The following NBPF20 variants were observed in gnomAD, a reference collection of about 807,000 sequenced individuals.
The protein encoded by NBPF20 is NBPF member 20.
A neutral mutation model predicts 68.1 loss-of-function variants in NBPF20; 90 were observed. The observed-to-expected ratio is 1.32, with a 90% CI of 1.11 to 1.58. The LOEUF is 1.58. Among genes scored for constraint, NBPF20 ranks in the 40% most tolerant of loss-of-function variants. The pLI, the probability that NBPF20 is intolerant of heterozygous loss-of-function variation, is 0.00. For synonymous variants in NBPF20, 290 were observed against 228.1 expected (o/e 1.27, Z -2.45); for missense variants, 816 against 601.2 (o/e 1.36, Z -3.74).
Position 145,395,232 on chromosome 1 carries a change from A to G in NBPF20, c.828-91T>C, listed in dbSNP as rs1662166493. Reference sequence around the variant, plus strand: ...CCCAGATGATCTGATGGGAGACAGAATGGAGTGGTCACAGAAACCAAAGGC... The same window carrying G: ...CCCAGATGATCTGATGGGAGACAGAGTGGAGTGGTCACAGAAACCAAAGGC... On this transcript the variant is annotated intron_variant, in intron 7 of 137. Transcript: ENST00000369373. 3.5e-6 allele frequency: 3 copies of G among 849,990 alleles called. No individual in the cohort carries two copies. The Admixed American group carries it at 6.8e-5, about 19-fold the overall frequency. The allele number at this position is 849,990 out of a possible 1,614,324, so 52.7% of individuals were successfully genotyped here. A position where few individuals can be genotyped will look rare whatever the true frequency, so the allele number is the denominator to read the frequency against.
Position 145,405,093 on chromosome 1 carries a change from C to A in NBPF20, c.175+5G>T. 6.2e-7 allele frequency: 1 copy of A among 1,613,424 alleles called. No homozygotes were observed. The highest frequency in any genetic ancestry group is 2.2e-5 in the East Asian group (1 of 44,896). ...CTTTCATGATGGTGAGCCTATAGAT[C>A]TTACTGTATTTCTTCTGCTGGTTGG... is the stretch of plus-strand genomic sequence containing the variant. On this transcript the variant is annotated splice_donor_5th_base_variant and intron_variant, in intron 2 of 137. Coordinates refer to ENST00000369373, the Ensembl canonical transcript of NBPF20.
At chr1:145,393,355 A>T in intron 9 of NBPF20, 109 bp from the exon 15 acceptor site, 1 of 706,764 alleles carries the variant, frequency 1.4e-6, no homozygotes, top group African/African-American at 1.8e-5. Flanking sequence ...GAAAAAGGAC[A>T]GATCCATTAA....
At chr1:145,393,573 T>A (rs1218311273) in intron 9 of NBPF20, 192 of 644,940 alleles carry the variant, frequency 3.0e-4, no homozygotes, top group Admixed American at 1.3e-3. Flanking sequence ...CAGGACACAC[T>A]GTGAACAGTG....
rs1662499081 is a variant in NBPF20 at position 145,401,052 on chromosome 1, G to A, written c.566+7C>T. 2 of 1,603,758 alleles carry A rather than the reference G, an allele frequency of 1.2e-6. No homozygotes were observed. Among genetic ancestry groups the A allele is most frequent in the African/African-American group, 1.3e-5 (1 of 74,842 alleles). On this transcript the variant is annotated splice_region_variant and intron_variant, in intron 5 of 137. Coordinates refer to ENST00000369373, the Ensembl canonical transcript of NBPF20. ...TCCATTAATTGTTCCTGAGTATTCAGTGTTACCTGGGGGCAGACGATTTCT... is the reference window on the plus strand; with the variant it reads ...TCCATTAATTGTTCCTGAGTATTCAATGTTACCTGGGGGCAGACGATTTCT...
intron 7 of NBPF20, among the ~76,000 whole-genome samples, chr1:145,396,893 T>C (rs1355323042): frequency 7.9e-6 from 1 of 126,562 alleles, no homozygotes; most frequent in Non-Finnish European, 1.6e-5. Flanking sequence ...ACATTAGGTA[T>C]ATCTCCTAAT....
chr1:145,378,150 A>G (rs1661865214), intron 28 of NBPF20, 56 bp from the exon 34 acceptor site: 1 of 93,876 alleles, frequency 1.1e-5, no homozygotes, highest in Admixed American at 2.3e-4. Flanking sequence ...TACACACATA[A>G]CAATCCACTG....
chr1:145,406,683 TATC>T (rs1336973932), upstream of NBPF20, among the ~76,000 whole-genome samples: 1 of 148,432 alleles, frequency 6.7e-6, no homozygotes, highest in Admixed American at 6.6e-5. Context: ...TTCATTTAGA[TATC>T]TTCTTATGGA....
intron 7 of NBPF20, among the ~76,000 whole-genome samples, chr1:145,397,185 T>C (rs1662291493): frequency 6.7e-6 from 1 of 148,944 alleles, no homozygotes; most frequent in African/African-American, 2.5e-5. Flanking sequence ...ATATTTGGCT[T>C]GGTTCCAAGT....
At position 145,292,512 on chromosome 1, in the gene NBPF20, C is replaced by A. The variant is rs587740600; in HGVS notation, c.16589-23G>T. The A allele has an allele frequency of 2.9e-5, 20 of 698,988 alleles. 2 individuals are homozygous for A. In the African/African-American group the frequency reaches 3.7e-4, roughly 13 times the overall value. 43.3% of individuals were successfully genotyped at this position (698,988 alleles called of 1,614,324 possible). On this transcript the variant is annotated intron_variant, in intron 136 of 137. Transcript: ENST00000369373. ...TTTCTGCAATAAATTCAGACATGGA[C>A]AGACACATTAAGCTGATTCCCCTAC...
intron 6 of NBPF20, among the ~76,000 whole-genome samples, chr1:145,400,135 T>C (rs1375610577): frequency 8.5e-5 from 13 of 152,186 alleles, no homozygotes; most frequent in African/African-American, 2.9e-4. Context: ...GCCTGACAGA[T>C]ACTGCCTGTG....
upstream of NBPF20, among the ~76,000 whole-genome samples, chr1:145,407,428 CGTATACATGTATACATGTA>C (rs1662842915): frequency 6.9e-6 from 1 of 144,520 alleles, no homozygotes; most frequent in East Asian, 2.0e-4. Flanking sequence ...CATGTATACA[CGTATACATGTATACATGTA>C]TATACGTGTA....
upstream of NBPF20, among the ~76,000 whole-genome samples, chr1:145,408,641 A>G (rs1291951141): frequency 2.0e-5 from 3 of 151,684 alleles, no homozygotes; most frequent in Non-Finnish European, 4.4e-5. Flanking sequence ...CTAGCTTTCA[A>G]ATTTCTCTAA....
intron 7 of NBPF20, among the ~76,000 whole-genome samples, chr1:145,398,503 G>T (rs1401879369): frequency 1.3e-5 from 2 of 152,102 alleles, no homozygotes; most frequent in African/African-American, 4.8e-5. Flanking sequence ...AATGAAGGCA[G>T]AAATAAAGAT....
chr1:145,292,281 C>T (rs200909364), intron 137 of NBPF20, 100 bp downstream of exon 142: 2 of 608,560 alleles, frequency 3.3e-6, no homozygotes, highest in Non-Finnish European at 5.8e-6. Context: ...GTAATTCAGC[C>T]TTCGTTGAAA....
At chr1:145,291,848 A>G in intron 137 of NBPF20, 79 bp from the exon 143 acceptor site, 1 of 1,609,784 alleles carries the variant, frequency 6.2e-7, no homozygotes, top group Non-Finnish European at 8.5e-7. Context: ...CAGAAGTCAC[A>G]TAAGGAAGTG....
chr1:145,311,044 G>C (rs1233919796), intron 113 of NBPF20, among the ~76,000 whole-genome samples: 1 of 87,186 alleles, frequency 1.1e-5, no homozygotes, highest in Non-Finnish European at 2.1e-5. Flanking sequence ...GAGAGAGAGA[G>C]AGAGAGAGAG....
At position 145,402,349 on chromosome 1, in the gene NBPF20, C is replaced by T. The variant is rs1356233087; in HGVS notation, c.311G>A (p.Arg104Gln). The change falls in exon 4 of 138, where the codon CGA (arginine) becomes CAA (glutamine). Residue 104 changes from arginine (R) to glutamine (Q), a missense_variant. Arg to Gln is a conservative substitution (Grantham distance 43). Coordinates refer to ENST00000369373, the Ensembl canonical transcript of NBPF20. Reference sequence around the variant, plus strand: ...CTTCTCCCTTAACTGGGTCAGCTCTCGTTCCTGAGCGTGAACCAGGACTTT... The same window carrying T: ...CTTCTCCCTTAACTGGGTCAGCTCTTGTTCCTGAGCGTGAACCAGGACTTT... The T allele has an allele frequency of 1.8e-4, 283 of 1,597,916 alleles. 2 individuals carry two copies. Among genetic ancestry groups the T allele is most frequent in the South Asian group, 9.6e-4 (87 of 90,762 alleles).
At chr1:145,397,793 T>C (rs1196725650) in intron 7 of NBPF20, among the ~76,000 whole-genome samples, 4 of 152,012 alleles carry the variant, frequency 2.6e-5, no homozygotes, top group Non-Finnish European at 5.9e-5. Context: ...GAATGGCAAA[T>C]TGGATAAAGA....
chr1:145,421,380 G>T, the NBPF20 span, among the ~76,000 whole-genome samples: 1 of 152,102 alleles, frequency 6.6e-6, no homozygotes, highest in Non-Finnish European at 1.5e-5. Context: ...ACATACAAAG[G>T]TTTATTTTTC....
Sources: gnomAD v4.1 joint callset for allele counts (sites outside exome capture counted in the v4.1 genomes callset) on GRCh38, gnomAD v4.1.1 for gene constraint, MANE v1.5 for transcripts, NCBI Gene and HGNC (gene_info 2026-07-23, HGNC 2026-07-21) for gene names.